The following UGGT2 variants were observed in gnomAD, a reference collection of about 807,000 sequenced individuals.
UGGT2 encodes the protein UDP-glucose:glycoprotein glucosyltransferase 2.
A neutral mutation model predicts 192.1 loss-of-function variants in UGGT2; 180 were observed. That is an observed-to-expected ratio of 0.94 (90% CI 0.83 to 1.06). The LOEUF (loss-of-function observed/expected upper bound fraction) is 1.06. Ranked by LOEUF, UGGT2 falls within the 50% of genes least tolerant of loss-of-function variation. The pLI, the probability that UGGT2 is intolerant of heterozygous loss-of-function variation, is 0.00. For missense variants in UGGT2, 1,849 were observed against 1,795.7 expected, an observed-to-expected ratio of 1.03 and a Z score of -0.54; for synonymous variants, 580 against 591.0, an observed-to-expected ratio of 0.98 and a Z score of 0.27.
intron 24 of UGGT2, among the ~76,000 whole-genome samples, chr13:95,893,680 G>T (rs142781660): frequency 1.3e-5 from 2 of 152,078 alleles, no homozygotes; most frequent in South Asian, 4.2e-4. Context: ...GACAAAAAAT[G>T]GTATTTCTAG....
intron 5 of UGGT2, among the ~76,000 whole-genome samples, chr13:96,012,158 A>C (rs2052181741): frequency 6.6e-6 from 1 of 152,122 alleles, no homozygotes; most frequent in Non-Finnish European, 1.5e-5. Flanking sequence ...ATACATGTCT[A>C]TATGAAAAAT....
intron 36 of UGGT2, among the ~76,000 whole-genome samples, chr13:95,845,482 TG>T (rs1244866595): frequency 1.3e-5 from 2 of 150,604 alleles, no homozygotes; most frequent in Non-Finnish European, 3.0e-5. Flanking sequence ...AGCACGGGGT[TG>T]GGGGTAAGGT....
At chr13:95,918,841 T>A (rs1291438054) in intron 20 of UGGT2, among the ~76,000 whole-genome samples, 1 of 151,928 alleles carries the variant, frequency 6.6e-6, no homozygotes, top group Non-Finnish European at 1.5e-5. Flanking sequence ...TCCACAAAAC[T>A]GAAGAGGGAT....
intron 32 of UGGT2, 93 bp downstream of exon 32, chr13:95,860,695 T>A: frequency 1.4e-6 from 1 of 714,630 alleles, no homozygotes; most frequent in Non-Finnish European, 2.1e-6. Flanking sequence ...TGGGAGTTTT[T>A]TTTTTCCCAG....
intron 12 of UGGT2, among the ~76,000 whole-genome samples, chr13:95,967,993 T>C (rs550493300): frequency 6.6e-6 from 1 of 152,308 alleles, no homozygotes; most frequent in Non-Finnish European, 1.5e-5. Context: ...CCTTTTATTA[T>C]AGCTTTCTTT....
chr13:95,945,231 C>G (rs2049825503), intron 15 of UGGT2, among the ~76,000 whole-genome samples: 1 of 152,042 alleles, frequency 6.6e-6, no homozygotes, highest in African/African-American at 2.4e-5. Context: ...ATTCTTCTCT[C>G]TTTATAGTGC....
chr13:95,803,574 TTA>T lies in UGGT2; in HGVS notation c.4529-1764_4529-1763del, dbSNP rs201752347. Among the ~76,000 whole-genome samples the T allele has an allele frequency of 6.3e-3, 965 of 152,264 alleles. 13 individuals carry two copies. The highest frequency in any genetic ancestry group is 0.022 in the African/African-American group (926 of 41,548). On this transcript the variant is annotated intron_variant, in intron 38 of 38. Transcript: ENST00000376747. ...CGTGCCCGGCCGAAAAGGGGTATTT[TTA>T]TATGAGTGTCTGCTCTTGAGTAAAG... is the stretch of plus-strand genomic sequence containing the variant.
intron 12 of UGGT2, among the ~76,000 whole-genome samples, chr13:95,962,011 A>T (rs1012475260): frequency 3.9e-5 from 6 of 152,196 alleles, no homozygotes; most frequent in African/African-American, 1.4e-4. Context: ...GAAATGAAGG[A>T]GGAAATAAAA....
Position 95,860,800 on chromosome 13 carries a change from T to C in UGGT2, c.3728A>G (p.Glu1243Gly). The C allele has an allele frequency of 6.5e-7, 1 of 1,535,366 alleles. No homozygotes were observed. The highest frequency in any genetic ancestry group is 8.8e-7 in the Non-Finnish European group (1 of 1,142,138). ...IFSVASGHLY[E>G]RFLRIMMLSV... is the part of the protein sequence containing the mutation. ...AAAATATACCTACCTTAAAAAACGT[T>C]CATATAAATGACCAGAAGCAACTGA... The change falls in exon 32 of 39, where the codon GAA becomes GGA. Residue 1243 changes from glutamate to glycine, a missense_variant. Glu to Gly is a moderately conservative substitution (Grantham distance 98, BLOSUM62 -2). Transcript: ENST00000376747.
chr13:96,011,922 T>G (rs1215012047), intron 5 of UGGT2, among the ~76,000 whole-genome samples: 2 of 152,074 alleles, frequency 1.3e-5, no homozygotes, highest in Non-Finnish European at 2.9e-5. Flanking sequence ...CATTCCCGTA[T>G]GAAATCCCAA....
rs2052442630 is a variant in UGGT2 at position 96,019,227 on chromosome 13, CAG to C, written c.485+3811_485+3812del. Among the ~76,000 whole-genome samples the C allele has an allele frequency of 2.1e-5, 3 of 143,092 alleles. No homozygotes were observed. The Admixed American group carries it at 2.2e-4, about 11-fold the overall frequency. 93.9% of individuals were successfully genotyped at this position (143,092 alleles called of 152,430 possible). A position where few individuals can be genotyped will look rare whatever the true frequency, so the allele number is the denominator to read the frequency against. On this transcript the variant is annotated intron_variant, in intron 4 of 38. Transcript: ENST00000376747. Reference sequence around the variant, plus strand: ...TTGTTTCATGGATTCTGGCAAAAGACAGAGATTTCTGAGTCAAAGAGCTTGAT... The same window carrying C: ...TTGTTTCATGGATTCTGGCAAAAGACAGATTTCTGAGTCAAAGAGCTTGAT...
At chr13:95,946,392 A>G (rs1321989017) in intron 15 of UGGT2, among the ~76,000 whole-genome samples, 1 of 152,184 alleles carries the variant, frequency 6.6e-6, no homozygotes, top group Non-Finnish European at 1.5e-5. Context: ...TTTCCATGAG[A>G]CAGGCTCTCT....
rs918068456 is a variant in UGGT2, at chr13:96,019,132, G to T, written c.485+3908C>A. Among the ~76,000 whole-genome samples, 40 of 127,678 alleles carry T rather than the reference G, an allele frequency of 3.1e-4. 1 individual carries two copies. Among genetic ancestry groups the T allele is most frequent in the Non-Finnish European group, 4.7e-4 (28 of 59,172 alleles). 83.8% of individuals were successfully genotyped at this position (127,678 alleles called of 152,430 possible). The stretch of plus-strand genomic sequence containing the variant: ...CTTTGCCCTACATAGCGGGGGGGGG[G>T]GGGGGGAATGTTTCTGTCAGGCTGT... On this transcript the variant is annotated intron_variant, in intron 4 of 38. Coordinates refer to ENST00000376747, the MANE Select transcript of UGGT2 (RefSeq NM_020121.4).
At chr13:95,820,776 T>C (rs547892827) in intron 38 of UGGT2, among the ~76,000 whole-genome samples, 2 of 151,954 alleles carry the variant, frequency 1.3e-5, no homozygotes, top group African/African-American at 2.4e-5. Context: ...CTGCCTCAAG[T>C]CCCCAAAGTC....
intron 5 of UGGT2, among the ~76,000 whole-genome samples, chr13:96,011,548 G>T (rs1307684302): frequency 3.9e-5 from 6 of 152,008 alleles, no homozygotes; most frequent in African/African-American, 1.4e-4. Flanking sequence ...TTAGAGCAGC[G>T]AAATTATCTT....
chr13:95,902,334 G>A (rs1173537983), intron 21 of UGGT2, among the ~76,000 whole-genome samples: 1 of 151,910 alleles, frequency 6.6e-6, no homozygotes, highest in Non-Finnish European at 1.5e-5. Context: ...CTGACTTTTG[G>A]AAGCAAATCA....
chr13:96,028,247 C>A (rs533613574), intron 2 of UGGT2, among the ~76,000 whole-genome samples: 1 of 152,214 alleles, frequency 6.6e-6, no homozygotes, highest in African/African-American at 2.4e-5. Flanking sequence ...AAATGTGGCA[C>A]GTCCAAATTC....
chr13:95,940,681 C>T (rs1225625008), intron 15 of UGGT2, among the ~76,000 whole-genome samples: 1 of 150,868 alleles, frequency 6.6e-6, no homozygotes, highest in East Asian at 1.9e-4. Context: ...TATCGAATTC[C>T]TGGGCTCAAG....
intron 2 of UGGT2, among the ~76,000 whole-genome samples, chr13:96,030,590 T>C (rs1314427601): frequency 2.0e-5 from 3 of 152,188 alleles, no homozygotes; most frequent in Middle Eastern, 3.2e-3. Context: ...CTTCAGTAAA[T>C]GAGCATTTAA....
Sources: gnomAD v4.1 joint callset for allele counts (sites outside exome capture counted in the v4.1 genomes callset) on GRCh38, gnomAD v4.1.1 for gene constraint, MANE v1.5 for transcripts, NCBI Gene and HGNC (gene_info 2026-07-23, HGNC 2026-07-21) for gene names.